The following ACTN3 variants were observed in gnomAD, a reference collection of about 807,000 sequenced individuals.
ACTN3 encodes alpha-actinin-3.
In ACTN3, 91 loss-of-function variants were observed where a neutral mutation model predicts 119.6. The ratio of observed to expected loss-of-function variants is 0.76; its 90% CI spans 0.64 to 0.91. The LOEUF (loss-of-function observed/expected upper bound fraction) is 0.91. ACTN3 is among the 40% of genes least tolerant of loss of function. The pLI is 0.00. For synonymous variants in ACTN3, 456 were observed against 478.8 expected (o/e 0.95, Z 0.62); for missense variants, 1,221 against 1,215.1 (o/e 1.00, Z -0.07).
Position 66,554,531 on chromosome 11 carries a change from C to T in ACTN3, c.470-5C>T. 1.2e-6 allele frequency: 2 copies of T among 1,606,688 alleles called. No individual in the cohort carries two copies. The highest frequency in any genetic ancestry group is 1.7e-6 in the Non-Finnish European group (2 of 1,175,910). On this transcript the variant is annotated splice_region_variant and splice_polypyrimidine_tract_variant and intron_variant, in intron 4 of 20. Transcript: ENST00000513398. ...AATGAATCCTCCCACCTCCCCCCGA[C>T]CCAGAAACCTCAGCCAAGGAAGGCT... is the stretch of plus-strand genomic sequence containing the variant.
At chr11:66,550,951 C>T (rs1857455492) in intron 1 of ACTN3, 1 of 539,622 alleles carries the variant, frequency 1.9e-6, no homozygotes, top group East Asian at 4.1e-5. Context: ...TCTAAGGGCC[C>T]TCCAGTGTTT....
intron 1 of ACTN3, among the ~76,000 whole-genome samples, chr11:66,547,287 A>G (rs560935625): frequency 2.8e-4 from 42 of 152,188 alleles, no homozygotes; most frequent in Admixed American, 5.2e-4. Context: ...TTAAAATGAC[A>G]AGAGAGTTTC....
At chr11:66,557,076 A>C in intron 8 of ACTN3, 57 bp from the exon 9 acceptor site, 15 of 1,503,352 alleles carry the variant, frequency 1.0e-5, no homozygotes, top group Non-Finnish European at 1.4e-5. Flanking sequence ...CTGGGTTTTA[A>C]GGGCTTTACA....
chr11:66,555,209 G>T lies in ACTN3; in HGVS notation c.636+1G>T. 1 of 1,613,838 alleles carries T rather than the reference G, an allele frequency of 6.2e-7. No individual in the cohort carries two copies. Among genetic ancestry groups the T allele is most frequent in the Non-Finnish European group, 8.5e-7 (1 of 1,179,912 alleles). ...CATCGACTACGCCAAACTGCGAAAG[G>T]TAGAGGCCCCCACCACCCCAGCCCA... is the stretch of plus-strand genomic sequence containing the variant. On this transcript the variant is annotated splice_donor_variant, in intron 6 of 20. Transcript: ENST00000513398. LOFTEE classifies it high-confidence loss of function.
At chr11:66,561,683 A>T in intron 17 of ACTN3, 46 bp downstream of exon 17, 2 of 1,570,506 alleles carry the variant, frequency 1.3e-6, no homozygotes, top group Non-Finnish European at 1.7e-6. Flanking sequence ...GCACTGGCTG[A>T]GGAGGCCCAG....
At chr11:66,551,043 C>G (rs1004313869) in intron 1 of ACTN3, 196 bp from the exon 2 acceptor site, 2 of 681,092 alleles carry the variant, frequency 2.9e-6, no homozygotes, top group African/African-American at 3.5e-5. Flanking sequence ...CCCCATTTCT[C>G]CCCTCTCAGG....
At position 66,559,322 on chromosome 11, in the gene ACTN3, G is replaced by A; in HGVS notation, c.1363G>A (p.Glu455Lys). ...GTTGCTGCGGCGCCACGAGGCCTTTGAGAGCGACCTGGCGGCGCACCAGGA... is the reference window on the plus strand; with the variant it reads ...GTTGCTGCGGCGCCACGAGGCCTTTAAGAGCGACCTGGCGGCGCACCAGGA... ...RALLRRHEAF[E>K]SDLAAHQDRV... The change falls in exon 12 of 21, where the codon GAG (glutamate) becomes AAG (lysine). Residue 455 changes from glutamate (E) to lysine (K), a missense_variant. Transcript: ENST00000513398. 6.3e-7 allele frequency: 1 copy of A among 1,578,244 alleles called. No homozygotes were observed. Among genetic ancestry groups the A allele is most frequent in the Non-Finnish European group, 8.6e-7 (1 of 1,164,678 alleles).
intron 3 of ACTN3, among the ~76,000 whole-genome samples, chr11:66,553,662 A>C (rs1857523419): frequency 6.6e-6 from 1 of 151,866 alleles, no homozygotes; most frequent in South Asian, 2.1e-4. Flanking sequence ...TGAGGTCAGG[A>C]GATTGAGACC....
At chr11:66,552,980 G>C (rs1257473091) in intron 3 of ACTN3, among the ~76,000 whole-genome samples, 1 of 151,552 alleles carries the variant, frequency 6.6e-6, no homozygotes, top group Non-Finnish European at 1.5e-5. Context: ...ATGCGGGCCA[G>C]GGGTGATGGC....
chr11:66,559,307 C>T lies in ACTN3; in HGVS notation c.1348C>T (p.Arg450Cys). Residue 450 changes from arginine (R) to cysteine (C), a missense_variant, in exon 12 of 21, where the codon CGC becomes TGC. By Grantham distance (180) the Arg-to-Cys change is radical (BLOSUM62 -3). Coordinates refer to ENST00000513398, the MANE Select transcript of ACTN3 (RefSeq NM_001104.4). ...LLQEVRALLR[R>C]HEAFESDLAA... Reference sequence around the variant, plus strand: ...ACAGGAGGTGCGGGCGTTGCTGCGGCGCCACGAGGCCTTTGAGAGCGACCT... The same window carrying T: ...ACAGGAGGTGCGGGCGTTGCTGCGGTGCCACGAGGCCTTTGAGAGCGACCT... 1 of 1,575,450 alleles carries T rather than the reference C, an allele frequency of 6.3e-7. No homozygotes were observed. The highest frequency in any genetic ancestry group is 2.5e-5 in the East Asian group (1 of 40,072).
Position 66,556,783 on chromosome 11 carries a change from C to T in ACTN3, c.805-350C>T, listed in dbSNP as rs539818952. Among the ~76,000 whole-genome samples, 104 of 110,162 alleles carry T rather than the reference C, an allele frequency of 9.4e-4. 1 individual carries two copies. In the East Asian group the frequency reaches 0.011, roughly 12 times the overall value. 72.3% of individuals were successfully genotyped at this position (110,162 alleles called of 152,430 possible). On this transcript the variant is annotated intron_variant, in intron 8 of 20. Transcript: ENST00000513398. ...TTGTGTTTTGTTTTGTTTTTTGAGA[C>T]GGAGTCTTGCTCTGTCGCCCAGGCT...
At chr11:66,552,851 GTCTCTCTC>G (rs564902238) in intron 3 of ACTN3, among the ~76,000 whole-genome samples, 4 of 131,280 alleles carry the variant, frequency 3.0e-5, no homozygotes, top group African/African-American at 9.0e-5. Context: ...GAGAGACTCT[GTCTCTCTC>G]TCTCTCTCTC....
At chr11:66,548,312 C>A (rs1342674588) in intron 1 of ACTN3, among the ~76,000 whole-genome samples, 1 of 152,038 alleles carries the variant, frequency 6.6e-6, no homozygotes, top group Non-Finnish European at 1.5e-5. Context: ...TGGTGTCATC[C>A]CTGTCCTTGG....
rs1490349101 is a variant in ACTN3, at chr11:66,562,885, C to T, written c.2478C>T (p.Thr826=). 16 of 1,613,788 alleles carry T rather than the reference C, an allele frequency of 9.9e-6. No homozygotes were observed. The highest frequency in any genetic ancestry group is 1.4e-5 in the Non-Finnish European group (16 of 1,179,812). ...TCCAGGCCTTCATAGACTTCATGAC[C>T]CGAGAGACAGCCGAGACTGACACGA... ...VTFQAFIDFM[T]RETAETDTTE... The change falls in exon 20 of 21, where the codon ACC becomes ACT. Residue 826 remains threonine (T), a synonymous_variant. Coordinates refer to ENST00000513398, the MANE Select transcript of ACTN3 (RefSeq NM_001104.4).
At position 66,561,985 on chromosome 11, in the gene ACTN3, G is replaced by GCCGCCCACTGACAGTGGCCTGTCCCCTGA. The variant is rs1857782467; in HGVS notation, c.2176-31_2176-3dup. The GCCGCCCACTGACAGTGGCCTGTCCCCTGA allele has an allele frequency of 1.9e-6, 3 of 1,572,098 alleles. No homozygotes were observed. The East Asian group carries it at 7.1e-5, about 37-fold the overall frequency. ...AGCTAGAGCCAGTGGCCAGGCACTG[G>GCCGCCCACTGACAGTGGCCTGTCCCCTGA]CCGCCCACTGACAGTGGCCTGTCCC... On this transcript the variant is annotated intron_variant, in intron 17 of 20. Coordinates refer to ENST00000513398, the MANE Select transcript of ACTN3 (RefSeq NM_001104.4).
chr11:66,559,514 T>TACC lies in ACTN3; in HGVS notation c.1427+129_1427+131dup. The TACC allele has an allele frequency of 4.1e-6, 4 of 970,574 alleles. No individual in the cohort carries two copies. The South Asian group carries it at 8.0e-5, about 19-fold the overall frequency. 60.1% of individuals were successfully genotyped at this position (970,574 alleles called of 1,614,324 possible). ...CCTGGGTTCTGTAACCCCGCCGTGGTACCCAGGTCCCATTCGCTCCGCCCC... is the reference window on the plus strand; with the variant it reads ...CCTGGGTTCTGTAACCCCGCCGTGGTACCACCCAGGTCCCATTCGCTCCGCCCC... On this transcript the variant is annotated intron_variant, in intron 12 of 20. Transcript: ENST00000513398.
At chr11:66,546,557 T>C (rs1252368759), upstream of ACTN3, 1 of 1,535,524 alleles carries the variant, frequency 6.5e-7, no homozygotes, top group Non-Finnish European at 8.7e-7. Context: ...TGGAAGAGGC[T>C]CACGAGGAGC....
chr11:66,547,048 G>C lies in ACTN3; in HGVS notation c.111G>C (p.Leu37=). 2.6e-6 allele frequency: 4 copies of C among 1,511,044 alleles called. No individual in the cohort carries two copies. The highest frequency in any genetic ancestry group is 3.5e-6 in the Non-Finnish European group (4 of 1,131,122). 93.6% of individuals were successfully genotyped at this position (1,511,044 alleles called of 1,614,324 possible). A position where few individuals can be genotyped will look rare whatever the true frequency, so the allele number is the denominator to read the frequency against. ...MEQEEDWDRD[L]LLDPAWEKQQ... ...AGGAGGAGGACTGGGACCGCGACCT[G>C]CTGCTGGACCCGGCCTGGGAGAAGC... The change falls in exon 1 of 21, where the codon CTG becomes CTC. Residue 37 remains leucine, a synonymous_variant. Transcript: ENST00000513398.
At chr11:66,552,880 T>TCTCTCACA (rs1337756351) in intron 3 of ACTN3, among the ~76,000 whole-genome samples, 1 of 114,700 alleles carries the variant, frequency 8.7e-6, no homozygotes, top group South Asian at 2.9e-4. Context: ...TCTCTCTCTC[T>TCTCTCACA]CACACACACA....
Sources: allele counts gnomAD v4.1 joint callset (sites outside exome capture counted in the v4.1 genomes callset), GRCh38; gene constraint gnomAD v4.1.1; transcripts MANE v1.5; gene names NCBI Gene and HGNC (gene_info 2026-07-23, HGNC 2026-07-21).